BMPR1B: variants seen among roughly 807,000 people sequenced by gnomAD.
The protein encoded by BMPR1B is bone morphogenetic protein receptor type 1B, also known as bone morphogenetic protein receptor type-1B.
In BMPR1B, 12 loss-of-function variants were observed where a neutral mutation model predicts 59.1. The observed-to-expected ratio is 0.20, with a 90% CI of 0.13 to 0.33. The LOEUF (loss-of-function observed/expected upper bound fraction) is 0.33, where lower values mean the gene tolerates loss of function less well. Ranked by LOEUF, BMPR1B falls within the 10% of genes least tolerant of loss-of-function variation. The pLI is 1.00. For synonymous variants in BMPR1B, 237 were observed against 207.3 expected (o/e 1.14, Z -1.23); for missense variants, 550 against 610.9 (o/e 0.90, Z 1.05).
At chr4:95,067,449 C>G (rs1345064800) in intron 3 of BMPR1B, among the ~76,000 whole-genome samples, 1 of 152,038 alleles carries the variant, frequency 6.6e-6, no homozygotes, top group Non-Finnish European at 1.5e-5. Flanking sequence ...CCTAGTCGGC[C>G]AAGAAGTTTA....
chr4:94,900,933 C>T (rs770266812), intron 2 of BMPR1B, among the ~76,000 whole-genome samples: 4 of 151,910 alleles, frequency 2.6e-5, no homozygotes, highest in Non-Finnish European at 5.9e-5. Flanking sequence ...AAATATGCCC[C>T]AAGAGTGTCA....
rs1224854340 is a variant in BMPR1B, at chr4:95,131,499, G to A, written c.1063G>A (p.Val355Ile). The change falls in exon 10 of 13, where the codon GTT becomes ATT. Residue 355 changes from valine (V) to isoleucine (I), a missense_variant. Transcript: ENST00000515059. ...CTGTATTGCTGACCTGGGCCTGGCT[G>A]TTAAATTTATTAGGTTAGTATCAAA... ...TCCIADLGLA[V>I]KFISDTNEVD... The A allele has an allele frequency of 2.5e-6, 4 of 1,614,016 alleles. No homozygotes were observed. The highest frequency in any genetic ancestry group is 3.4e-6 in the Non-Finnish European group (4 of 1,179,954).
chr4:94,845,862 T>A lies in BMPR1B; in HGVS notation c.-182-29969T>A, dbSNP rs532308719. 3.3e-5 allele frequency among the ~76,000 whole-genome samples: 5 copies of A among 152,336 alleles called. No homozygotes were observed. In the South Asian group the frequency reaches 8.3e-4, roughly 25 times the overall value. On this transcript the variant is annotated intron_variant, in intron 1 of 12. Coordinates refer to ENST00000515059, the MANE Select transcript of BMPR1B (RefSeq NM_001203.3). ...AAGAAATAGCCAGAAAGTGTTATTA[T>A]TTTGGCATAATAGAGAATCAGCCTA...
chr4:95,073,601 T>TA (rs1728483720), intron 3 of BMPR1B, among the ~76,000 whole-genome samples: 1 of 151,946 alleles, frequency 6.6e-6, no homozygotes, highest in Non-Finnish European at 1.5e-5. Context: ...AAGAAGAAAA[T>TA]ATCACCAACA....
chr4:95,106,141 G>A (rs1731185768), intron 4 of BMPR1B, among the ~76,000 whole-genome samples: 1 of 151,966 alleles, frequency 6.6e-6, no homozygotes, highest in African/African-American at 2.4e-5. Context: ...ACAGGGAGTA[G>A]GATCAGGGAG....
chr4:94,860,226 C>T (rs1253787366), intron 1 of BMPR1B, among the ~76,000 whole-genome samples: 1 of 152,102 alleles, frequency 6.6e-6, no homozygotes, highest in Non-Finnish European at 1.5e-5. Flanking sequence ...AATGGGAAAA[C>T]CTTTGGTCCT....
intron 1 of BMPR1B, among the ~76,000 whole-genome samples, chr4:94,835,233 G>T (rs141393062): frequency 1.2e-4 from 18 of 152,054 alleles, no homozygotes; most frequent in African/African-American, 4.3e-4. Context: ...CAAAGGTGGG[G>T]TTAAGTAGCC....
At position 95,154,859 on chromosome 4, in the gene BMPR1B, A is replaced by G; in HGVS notation, c.*186A>G. The G allele has an allele frequency of 4.0e-6, 3 of 752,228 alleles. No homozygotes were observed. Among genetic ancestry groups the G allele is most frequent in the South Asian group, 3.5e-5 (2 of 57,058 alleles). The allele number at this position is 752,228 out of a possible 1,614,324, so 46.6% of individuals were successfully genotyped here. A position where few individuals can be genotyped will look rare whatever the true frequency, so the allele number is the denominator to read the frequency against. On this transcript the variant is annotated 3_prime_UTR_variant, in exon 13 of 13. Transcript: ENST00000515059. ...AAGACAGAGAAGCTCCCAGAAGGAG[A>G]GATTGATCCATGTCTGTTTGTAGGA...
intron 1 of BMPR1B, among the ~76,000 whole-genome samples, chr4:94,821,567 C>T (rs778833967): frequency 2.0e-5 from 3 of 151,828 alleles, no homozygotes; most frequent in Non-Finnish European, 2.9e-5. Flanking sequence ...GATCTTAAAC[C>T]AATCAATTAA....
At chr4:95,036,377 T>A (rs954357841) in intron 3 of BMPR1B, among the ~76,000 whole-genome samples, 1 of 152,164 alleles carries the variant, frequency 6.6e-6, no homozygotes, top group Non-Finnish European at 1.5e-5. Context: ...CCCTTCCTAG[T>A]CTCTGGTAAC....
chr4:94,876,228 TATC>T (rs1410212509), intron 2 of BMPR1B, among the ~76,000 whole-genome samples: 2 of 152,108 alleles, frequency 1.3e-5, no homozygotes, highest in Non-Finnish European at 2.9e-5. Flanking sequence ...CCATTGCTGA[TATC>T]ATCACGATAA....
intron 1 of BMPR1B, 43 bp downstream of exon 1, chr4:94,758,111 A>G (rs1317823498): frequency 1.3e-5 from 2 of 148,630 alleles, no homozygotes; most frequent in African/African-American, 4.9e-5. Flanking sequence ...CGGGTGGCCG[A>G]GTTCCCGAGC....
chr4:94,970,232 T>A (rs928265190), intron 2 of BMPR1B, among the ~76,000 whole-genome samples: 8 of 150,232 alleles, frequency 5.3e-5, no homozygotes, highest in Non-Finnish European at 8.9e-5. Context: ...ACTTCAGCTG[T>A]TTGTTTTTCT....
chr4:95,046,533 C>G (rs149539108), intron 3 of BMPR1B, among the ~76,000 whole-genome samples: 203 of 152,108 alleles, frequency 1.3e-3, no homozygotes, highest in African/African-American at 4.7e-3. Context: ...ATAATCTGCC[C>G]CAGATTATAC....
intron 2 of BMPR1B, among the ~76,000 whole-genome samples, chr4:94,962,076 C>CTTCCTTCCTTCCTTCCTTCCTTCT (rs1730383177): frequency 1.6e-4 from 5 of 30,772 alleles, no homozygotes; most frequent in African/African-American, 6.3e-4. Context: ...CTTTTCTTTC[C>CTTCCTTCCTTCCTTCCTTCCTTCT]TTCCTTCCTT....
chr4:94,907,429 G>A (rs574339816), intron 2 of BMPR1B, among the ~76,000 whole-genome samples: 2 of 152,050 alleles, frequency 1.3e-5, no homozygotes, highest in African/African-American at 2.4e-5. Flanking sequence ...TTGGTTGTCT[G>A]TTCTATGTTA....
At chr4:94,868,453 G>T (rs1356322597) in intron 1 of BMPR1B, among the ~76,000 whole-genome samples, 2 of 152,182 alleles carry the variant, frequency 1.3e-5, no homozygotes, top group African/African-American at 4.8e-5. Context: ...TTACAGACAT[G>T]AACCTGTTAC....
intron 3 of BMPR1B, among the ~76,000 whole-genome samples, chr4:95,021,827 A>G (rs965671498): frequency 2.6e-5 from 4 of 152,224 alleles, no homozygotes; most frequent in Admixed American, 6.5e-5. Context: ...AGTTACAGAC[A>G]TACGTTTGTT....
At chr4:95,124,557 T>C (rs187255584) in intron 7 of BMPR1B, among the ~76,000 whole-genome samples, 1 of 152,120 alleles carries the variant, frequency 6.6e-6, no homozygotes, top group East Asian at 1.9e-4. Context: ...ATATTATTTC[T>C]TTAGATATGA....
Sources: allele counts gnomAD v4.1 joint callset (sites outside exome capture counted in the v4.1 genomes callset), GRCh38; gene constraint gnomAD v4.1.1; transcripts MANE v1.5; gene names NCBI Gene and HGNC (gene_info 2026-07-23, HGNC 2026-07-21).